Variants in NUDT13 observed in about 807,000 individuals in gnomAD.
The protein encoded by NUDT13 is nudix hydrolase 13.
A neutral mutation model predicts 41.7 loss-of-function variants in NUDT13; 40 were observed. That is an observed-to-expected ratio of 0.96 (90% CI 0.75 to 1.25). The LOEUF is 1.25. NUDT13 is among the 50% of genes most tolerant of loss of function. NUDT13 has a pLI of 0.00. For synonymous variants in NUDT13, 145 were observed against 155.5 expected, an observed-to-expected ratio of 0.93 and a Z score of 0.50; for missense variants, 390 against 416.1, an observed-to-expected ratio of 0.94 and a Z score of 0.55.
intron 4 of NUDT13, among the ~76,000 whole-genome samples, chr10:73,123,124 T>C (rs1842687592): frequency 6.6e-6 from 1 of 152,104 alleles, no homozygotes; most frequent in Non-Finnish European, 1.5e-5. Flanking sequence ...GGTCTCGAAC[T>C]CCTGACCTCA....
intron 7 of NUDT13, 76 bp downstream of exon 7, chr10:73,125,585 G>T: frequency 2.1e-6 from 2 of 954,302 alleles, no homozygotes; most frequent in Non-Finnish European, 3.1e-6. Context: ...CTGTCTTGTT[G>T]CTATAGAGCT....
At chr10:73,125,039 C>T in intron 5 of NUDT13, 79 bp from the exon 6 acceptor site, 1 of 1,470,758 alleles carries the variant, frequency 6.8e-7, no homozygotes, top group Non-Finnish European at 9.1e-7. Flanking sequence ...TGAGTTGTTC[C>T]AGACACTAGG....
chr10:73,130,597 T>A, intron 8 of NUDT13, 106 bp from the exon 9 acceptor site: 1 of 924,516 alleles, frequency 1.1e-6, no homozygotes, highest in Non-Finnish European at 1.7e-6. Context: ...CCAGGTATTA[T>A]CTTCTAAGAT....
chr10:73,113,540 T>TA (rs771856596), intron 1 of NUDT13, among the ~76,000 whole-genome samples: 2 of 152,210 alleles, frequency 1.3e-5, no homozygotes, highest in Non-Finnish European at 2.9e-5. Context: ...GCTGGCTATA[T>TA]ATTTGTTTTC....
intron 1 of NUDT13, among the ~76,000 whole-genome samples, chr10:73,112,668 T>C (rs72812273): frequency 0.025 from 3,784 of 151,996 alleles, 81 homozygotes; most frequent in Middle Eastern, 0.078. Flanking sequence ...ATCTACTTTC[T>C]TAGTAATTTC....
chr10:73,129,393 C>T (rs988762734), intron 8 of NUDT13, among the ~76,000 whole-genome samples: 5 of 151,344 alleles, frequency 3.3e-5, no homozygotes, highest in Non-Finnish European at 5.9e-5. Flanking sequence ...AGGCTGGTCT[C>T]GAACTCCTGA....
chr10:73,115,150 T>C (rs960770450), intron 2 of NUDT13: 1 of 152,060 alleles, frequency 6.6e-6, no homozygotes, highest in Non-Finnish European at 1.5e-5. Context: ...ATATCCTATA[T>C]AATAAACCAG....
intron 4 of NUDT13, among the ~76,000 whole-genome samples, 179 bp downstream of exon 4, chr10:73,122,488 G>A (rs927191984): frequency 6.6e-6 from 1 of 152,092 alleles, no homozygotes. Context: ...GACAATAAAG[G>A]ACATTTTAAT....
intron 7 of NUDT13, 142 bp downstream of exon 7, chr10:73,125,651 T>TTATATTTATATATATATATATATATA (rs1554847531): frequency 7.7e-5 from 15 of 195,604 alleles, no homozygotes; most frequent in African/African-American, 3.7e-4. Context: ...TTCTGGCATT[T>TTATATTTATATATATATATATATATA]TATATATATA....
rs181383922 is a variant in NUDT13 at position 73,114,379 on chromosome 10, G to A, written c.14G>A (p.Cys5Tyr). ...AAGGACCTGACAATGTCCCTGTATT[G>A]TGGAATAGCTTGCAGGAGAAAATTT... MSLY[C>Y]GIACRRKFFW... Residue 5 changes from cysteine (C) to tyrosine (Y), a missense_variant, in exon 2 of 9, where the codon TGT (cysteine) becomes TAT (tyrosine). Transcript: ENST00000357321. The A allele has an allele frequency of 1.3e-6, 2 of 1,555,018 alleles. No homozygotes were observed. Among genetic ancestry groups the A allele is most frequent in the East Asian group, 4.6e-5 (2 of 43,900 alleles).
chr10:73,126,064 A>AT (rs1003146405), intron 7 of NUDT13: 10 of 233,902 alleles, frequency 4.3e-5, no homozygotes, highest in South Asian at 2.1e-4. Flanking sequence ...AGATTCTATA[A>AT]TTTTTTTTCC....
intron 2 of NUDT13, among the ~76,000 whole-genome samples, chr10:73,119,088 C>T (rs909001284): frequency 2.6e-5 from 4 of 151,772 alleles, no homozygotes; most frequent in African/African-American, 9.7e-5. Flanking sequence ...CTCTGTCATC[C>T]AGGCTGGAGT....
At chr10:73,129,167 CTTTTTTTTTTTTT>C (rs900393888) in intron 8 of NUDT13, among the ~76,000 whole-genome samples, 1 of 110,210 alleles carries the variant, frequency 9.1e-6, no homozygotes, top group Non-Finnish European at 1.8e-5. Context: ...AAGACGTTGT[CTTTTTTTTTTTTT>C]TTTTTTTTTG....
At chr10:73,112,723 T>C (rs574713701) in intron 1 of NUDT13, among the ~76,000 whole-genome samples, 3 of 152,088 alleles carry the variant, frequency 2.0e-5, no homozygotes, top group African/African-American at 7.2e-5. Context: ...TACAACACAA[T>C]AGATATCCAG....
chr10:73,121,341 G>A (rs1327108995), intron 3 of NUDT13, among the ~76,000 whole-genome samples: 1 of 152,228 alleles, frequency 6.6e-6, no homozygotes, highest in Non-Finnish European at 1.5e-5. Context: ...TAGGTCAGAA[G>A]TTGGAGTACT....
chr10:73,122,314 A>C lies in NUDT13; in HGVS notation c.358+5A>C. 1 of 1,610,582 alleles carries C rather than the reference A, an allele frequency of 6.2e-7. No individual in the cohort carries two copies. The highest frequency in any genetic ancestry group is 8.5e-7 in the Non-Finnish European group (1 of 1,178,934). On this transcript the variant is annotated splice_donor_5th_base_variant and intron_variant, in intron 4 of 8. Transcript: ENST00000357321. ...ATAGCTCCTTTTCCATAAGTGGTAC[A>C]TGACATTATTCCTAACGGGTACTTC...
At chr10:73,126,227 C>G (rs1589667150) in intron 7 of NUDT13, 1 of 223,404 alleles carries the variant, frequency 4.5e-6, no homozygotes, top group East Asian at 1.0e-4. Context: ...TGAATTTTTA[C>G]TACACTTACT....
At chr10:73,111,071 G>A (rs1033280180) in intron 1 of NUDT13, among the ~76,000 whole-genome samples, 4 of 151,930 alleles carry the variant, frequency 2.6e-5, no homozygotes, top group Admixed American at 6.6e-5. Context: ...CCGCCTCCTG[G>A]GTTCATGCCA....
At chr10:73,112,487 G>T (rs188814386) in intron 1 of NUDT13, among the ~76,000 whole-genome samples, 33 of 151,176 alleles carry the variant, frequency 2.2e-4, no homozygotes, top group African/African-American at 8.0e-4. Context: ...GCTTTATTAA[G>T]GTATAATATT....
Sources: allele counts gnomAD v4.1 joint callset (sites outside exome capture counted in the v4.1 genomes callset), GRCh38; gene constraint gnomAD v4.1.1; transcripts MANE v1.5; gene names NCBI Gene and HGNC (gene_info 2026-07-23, HGNC 2026-07-21).